The following TMEM33 variants were observed in gnomAD, a reference collection of about 807,000 sequenced individuals.
TMEM33 encodes the protein transmembrane protein 33.
A neutral mutation model predicts 29.7 loss-of-function variants in TMEM33; 16 were observed. The observed-to-expected ratio is 0.54, with a 90% CI of 0.36 to 0.82. The LOEUF (loss-of-function observed/expected upper bound fraction) is 0.82. Ranked by LOEUF, TMEM33 falls within the 40% of genes least tolerant of loss-of-function variation. The pLI, the probability that TMEM33 is intolerant of heterozygous loss-of-function variation, is 0.00. For missense variants in TMEM33, 252 were observed against 295.3 expected, an observed-to-expected ratio of 0.85 and a Z score of 1.08; for synonymous variants, 112 against 109.4, an observed-to-expected ratio of 1.02 and a Z score of -0.15.
At chr4:41,945,290 T>TATCA (rs1712735899) in intron 5 of TMEM33, among the ~76,000 whole-genome samples, 1 of 152,230 alleles carries the variant, frequency 6.6e-6, no homozygotes. Context: ...TAGTGCCTAC[T>TATCA]ATCACCTTAT....
chr4:41,938,660 T>C lies in TMEM33; in HGVS notation c.104T>C (p.Val35Ala), dbSNP rs1712368135. The change falls in exon 2 of 7, where the codon GTT (valine) becomes GCT (alanine). Residue 35 changes from valine to alanine, a missense_variant. By Grantham distance (64) the Val-to-Ala change is moderately conservative. Coordinates refer to ENST00000504986, the MANE Select transcript of TMEM33 (RefSeq NM_018126.3). Reference sequence around the variant, plus strand: ...ATGTGGCTTTCTCGCTTGTTCACAGTTTACTGCTCTGCTCTGTTTGTTCTG... The same window carrying C: ...ATGTGGCTTTCTCGCTTGTTCACAGCTTACTGCTCTGCTCTGTTTGTTCTG... ...TAMWLSRLFT[V>A]YCSALFVLPL... 1 of 1,614,140 alleles carries C rather than the reference T, an allele frequency of 6.2e-7. No homozygotes were observed. The highest frequency in any genetic ancestry group is 8.5e-7 in the Non-Finnish European group (1 of 1,180,010).
chr4:41,952,804 T>G (rs1713099555), intron 6 of TMEM33, among the ~76,000 whole-genome samples: 1 of 152,170 alleles, frequency 6.6e-6, no homozygotes, highest in South Asian at 2.1e-4. Context: ...TCTTCCATAT[T>G]GCATTTAAAT....
intron 3 of TMEM33, among the ~76,000 whole-genome samples, chr4:41,940,304 G>A (rs1712476392): frequency 6.6e-6 from 1 of 151,738 alleles, no homozygotes; most frequent in Admixed American, 6.6e-5. Flanking sequence ...AAATCATTTT[G>A]TGCATTGAGA....
intron 3 of TMEM33, among the ~76,000 whole-genome samples, chr4:41,943,525 CAA>C (rs367574971): frequency 2.9e-5 from 4 of 137,456 alleles, no homozygotes; most frequent in Admixed American, 1.5e-4. Context: ...GACTTTGTCT[CAA>C]AAAAAAAAAA....
upstream of TMEM33, chr4:41,935,334 G>A (rs914300609): frequency 1.2e-6 from 1 of 829,128 alleles, no homozygotes; most frequent in African/African-American, 1.7e-5. Context: ...TTCCCTGGTG[G>A]AGGCTCAGAG....
intron 6 of TMEM33, among the ~76,000 whole-genome samples, chr4:41,951,489 C>G (rs890051968): frequency 6.6e-6 from 1 of 152,180 alleles, no homozygotes; most frequent in Non-Finnish European, 1.5e-5. Flanking sequence ...GCCAGCGATG[C>G]AGCCAGTAAT....
chr4:41,938,940 A>G (rs1384732372), intron 2 of TMEM33, among the ~76,000 whole-genome samples: 1 of 152,196 alleles, frequency 6.6e-6, no homozygotes, highest in East Asian at 1.9e-4. Context: ...AGATAAGTTC[A>G]TGTTTTTTTC....
In TMEM33 at chr4:41,959,344, A is replaced by G. The variant is rs778933197; in HGVS notation, c.*5145A>G. 1 of 152,274 alleles carries G rather than the reference A, an allele frequency of 6.6e-6. No individual in the cohort carries two copies. The highest frequency in any genetic ancestry group is 1.5e-5 in the Non-Finnish European group (1 of 68,010). The allele number at this position is 152,274 out of a possible 1,614,324, so 9.4% of individuals were successfully genotyped here. A position where few individuals can be genotyped will look rare whatever the true frequency, so the allele number is the denominator to read the frequency against. On this transcript the variant is annotated 3_prime_UTR_variant, in exon 7 of 7. Coordinates refer to ENST00000504986, the MANE Select transcript of TMEM33 (RefSeq NM_018126.3). Reference sequence around the variant, plus strand: ...TAGTCAAGTGTGATGGATTAACTCTATATAGTCTTTCTCCTCTTGTGCGTG... The same window carrying G: ...TAGTCAAGTGTGATGGATTAACTCTGTATAGTCTTTCTCCTCTTGTGCGTG...
At chr4:41,952,492 G>C (rs542624691) in intron 6 of TMEM33, among the ~76,000 whole-genome samples, 1 of 152,274 alleles carries the variant, frequency 6.6e-6, no homozygotes, top group South Asian at 2.1e-4. Context: ...CAGTATACAT[G>C]ATTTTGTGTA....
At chr4:41,952,985 G>C (rs1210148249) in intron 6 of TMEM33, among the ~76,000 whole-genome samples, 1 of 151,886 alleles carries the variant, frequency 6.6e-6, no homozygotes, top group Non-Finnish European at 1.5e-5. Flanking sequence ...TAAAAAACTA[G>C]TTGAAATTGC....
At chr4:41,943,943 G>A (rs1187230891) in intron 4 of TMEM33, 129 bp downstream of exon 4, 3 of 770,712 alleles carry the variant, frequency 3.9e-6, no homozygotes, top group African/African-American at 3.6e-5. Flanking sequence ...GAATTATTTA[G>A]TGATTTGAAA....
rs548893848 is a variant in TMEM33, at chr4:41,958,149, T to A, written c.*3950T>A. The A allele has an allele frequency of 1.0e-4, 16 of 152,424 alleles. No homozygotes were observed. The highest frequency in any genetic ancestry group is 3.9e-4 in the African/African-American group (16 of 41,554). The allele number at this position is 152,424 out of a possible 1,614,324, so 9.4% of individuals were successfully genotyped here. ...CTTCAGCCCTCCAAGTAGCTGGGGT[T>A]ACAGGTGCCCGCCACCATGCCCAGC... is the stretch of plus-strand genomic sequence containing the variant. On this transcript the variant is annotated 3_prime_UTR_variant, in exon 7 of 7. Coordinates refer to ENST00000504986, the MANE Select transcript of TMEM33 (RefSeq NM_018126.3).
chr4:41,945,956 G>A (rs1712763940), intron 5 of TMEM33, among the ~76,000 whole-genome samples: 1 of 127,834 alleles, frequency 7.8e-6, no homozygotes, highest in Non-Finnish European at 1.6e-5. Flanking sequence ...GGGCAACAGA[G>A]TGAGACTCTG....
chr4:41,958,003 T>C lies in TMEM33; in HGVS notation c.*3804T>C, dbSNP rs1713335609. The C allele has an allele frequency of 6.5e-6, 1 of 153,178 alleles. No homozygotes were observed. Among genetic ancestry groups the C allele is most frequent in the East Asian group, 1.9e-4 (1 of 5,248 alleles). 9.5% of individuals were successfully genotyped at this position (153,178 alleles called of 1,614,324 possible). ...CAAGATTGAAAAAAAAAATTAAGCA[T>C]TTTTTGTTTGTTTGCTTGTTTGTTT... On this transcript the variant is annotated 3_prime_UTR_variant, in exon 7 of 7. Coordinates refer to ENST00000504986, the MANE Select transcript of TMEM33 (RefSeq NM_018126.3).
chr4:41,946,515 G>A (rs1712795183), intron 5 of TMEM33, among the ~76,000 whole-genome samples: 1 of 152,044 alleles, frequency 6.6e-6, no homozygotes, highest in Non-Finnish European at 1.5e-5. Context: ...ATTCTTTTAA[G>A]TAGTGCTTTC....
chr4:41,937,922 G>A (rs190250346), intron 1 of TMEM33, among the ~76,000 whole-genome samples: 4 of 152,252 alleles, frequency 2.6e-5, no homozygotes, highest in African/African-American at 7.2e-5. Flanking sequence ...TAAGACTTGT[G>A]GGGGAACATG....
In TMEM33 at chr4:41,939,245, CTT is replaced by C. The variant is rs1298861651; in HGVS notation, c.191_192del (p.Leu64HisfsTer68). 3 of 1,610,590 alleles carry C rather than the reference CTT, an allele frequency of 1.9e-6. No individual in the cohort carries two copies. Among genetic ancestry groups the C allele is most frequent in the Non-Finnish European group, 2.5e-6 (3 of 1,179,236 alleles). ...FYQRALLANA[L>X]TSALRLHQRL... Reference sequence around the variant, plus strand: ...CCAACGTGCTTTGCTGGCAAATGCTCTTACCAGTGCTCTGAGGCTGCATCAAA... The same window carrying C: ...CCAACGTGCTTTGCTGGCAAATGCTCACCAGTGCTCTGAGGCTGCATCAAA... On this transcript the variant is annotated frameshift_variant, in exon 3 of 7. Coordinates refer to ENST00000504986, the MANE Select transcript of TMEM33 (RefSeq NM_018126.3). LOFTEE classifies it high-confidence loss of function.
At chr4:41,953,985 A>G (rs867819492) in intron 6 of TMEM33, 85 bp from the exon 7 acceptor site, 5 of 1,528,612 alleles carry the variant, frequency 3.3e-6, no homozygotes, top group East Asian at 2.3e-5. Flanking sequence ...AAAAAATGAA[A>G]TATCTATGGA....
chr4:41,957,890 G>T lies in TMEM33; in HGVS notation c.*3691G>T, dbSNP rs1713331884. On this transcript the variant is annotated 3_prime_UTR_variant, in exon 7 of 7. Transcript: ENST00000504986. ...GTAGCCCCCCATTTTCACATGATGT[G>T]TTTGAAGGTTAAATGCCACCAAAAG... 1 of 152,080 alleles carries T rather than the reference G, an allele frequency of 6.6e-6. No homozygotes were observed. The highest frequency in any genetic ancestry group is 2.1e-4 in the South Asian group (1 of 4,826). The allele number at this position is 152,080 out of a possible 1,614,324, so 9.4% of individuals were successfully genotyped here.
Sources: allele counts gnomAD v4.1 joint callset (sites outside exome capture counted in the v4.1 genomes callset), GRCh38; gene constraint gnomAD v4.1.1; transcripts MANE v1.5; gene names NCBI Gene and HGNC (gene_info 2026-07-23, HGNC 2026-07-21).